Variants in TMEM178B observed in about 807,000 individuals in gnomAD.
TMEM178B encodes the protein transmembrane protein 178B.
In TMEM178B, 5 loss-of-function variants were observed where a neutral mutation model predicts 31.0. That is an observed-to-expected ratio of 0.16 (90% CI 0.08 to 0.34). TMEM178B has a LOEUF of 0.34. Among genes scored for constraint, TMEM178B ranks in the 10% least tolerant of loss-of-function variants. The pLI, the probability that TMEM178B is intolerant of heterozygous loss-of-function variation, is 1.00. For missense variants in TMEM178B, 275 were observed against 400.3 expected, an observed-to-expected ratio of 0.69 and a Z score of 2.67; for synonymous variants, 164 against 164.0, an observed-to-expected ratio of 1.00 and a Z score of 0.00.
At chr7:141,436,141 T>C (rs952589416) in intron 2 of TMEM178B, among the ~76,000 whole-genome samples, 3 of 152,166 alleles carry the variant, frequency 2.0e-5, no homozygotes, top group African/African-American at 7.2e-5. Flanking sequence ...TTTTGTTTGC[T>C]CTGCTGGGGT....
intron 2 of TMEM178B, among the ~76,000 whole-genome samples, chr7:141,241,465 C>T (rs1797617560): frequency 6.6e-6 from 1 of 151,710 alleles, no homozygotes. Context: ...GGTGGCAGGC[C>T]TATAATCCCA....
intron 2 of TMEM178B, among the ~76,000 whole-genome samples, chr7:141,255,270 T>C (rs1267569630): frequency 6.6e-6 from 1 of 152,088 alleles, no homozygotes; most frequent in Non-Finnish European, 1.5e-5. Flanking sequence ...GGGGTGAAGG[T>C]AGTATGAGAA....
intron 1 of TMEM178B, among the ~76,000 whole-genome samples, chr7:141,160,531 G>A (rs1350598165): frequency 6.6e-6 from 1 of 152,138 alleles, no homozygotes; most frequent in African/African-American, 2.4e-5. Flanking sequence ...GGATCACGTT[G>A]CTCTCTGCCT....
At chr7:141,355,376 A>G (rs1586909977) in intron 2 of TMEM178B, among the ~76,000 whole-genome samples, 1 of 152,042 alleles carries the variant, frequency 6.6e-6, no homozygotes. Flanking sequence ...AAGCATTGGG[A>G]CCCCTATGGA....
intron 2 of TMEM178B, among the ~76,000 whole-genome samples, chr7:141,327,083 C>G (rs182875651): frequency 2.6e-5 from 4 of 152,284 alleles, no homozygotes; most frequent in Admixed American, 2.6e-4. Context: ...AAGCTGAGTG[C>G]TATTCTCTTG....
intron 3 of TMEM178B, among the ~76,000 whole-genome samples, chr7:141,438,973 T>C (rs572262974): frequency 1.3e-5 from 2 of 152,224 alleles, no homozygotes; most frequent in African/African-American, 2.4e-5. Context: ...TTTAGGCACC[T>C]GTAGCAAACA....
At chr7:141,270,985 A>G (rs577352603) in intron 2 of TMEM178B, among the ~76,000 whole-genome samples, 127 of 152,308 alleles carry the variant, frequency 8.3e-4, no homozygotes, top group African/African-American at 2.9e-3. Flanking sequence ...ACAGGCAGGT[A>G]CATTGCAGGC....
chr7:141,412,296 C>T (rs558158145), intron 2 of TMEM178B, among the ~76,000 whole-genome samples: 1 of 152,160 alleles, frequency 6.6e-6, no homozygotes, highest in African/African-American at 2.4e-5. Context: ...AACGCAAGAC[C>T]CTAGGATGAG....
At chr7:141,100,526 C>T (rs1004495955) in intron 1 of TMEM178B, among the ~76,000 whole-genome samples, 1 of 152,196 alleles carries the variant, frequency 6.6e-6, no homozygotes. Flanking sequence ...CTGATTCAGT[C>T]TGGCTCCCTA....
At chr7:141,507,849 A>G in the TMEM178B span, among the ~76,000 whole-genome samples, 17 of 152,328 alleles carry the variant, frequency 1.1e-4, no homozygotes, top group African/African-American at 4.1e-4. Flanking sequence ...CAGCACAGGC[A>G]CACTGGATCT....
At chr7:141,124,132 C>T (rs1316163683) in intron 1 of TMEM178B, among the ~76,000 whole-genome samples, 4 of 152,074 alleles carry the variant, frequency 2.6e-5, no homozygotes, top group Non-Finnish European at 4.4e-5. Flanking sequence ...TTTGGGAGGC[C>T]GAGGTGGGCA....
At position 141,142,266 on chromosome 7, in the gene TMEM178B, T is replaced by C. The variant is rs1049219643; in HGVS notation, c.382+67574T>C. Reference sequence around the variant, plus strand: ...TGGCTGCATAGTATTCCGTGGCATATATGTACCACATTTTCTTCATCCAAT... The same window carrying C: ...TGGCTGCATAGTATTCCGTGGCATACATGTACCACATTTTCTTCATCCAAT... On this transcript the variant is annotated intron_variant, in intron 1 of 3. Coordinates refer to ENST00000565468, the MANE Select transcript of TMEM178B (RefSeq NM_001195278.2). Among the ~76,000 whole-genome samples the C allele has an allele frequency of 2.2e-5, 3 of 136,076 alleles. No individual in the cohort carries two copies. The East Asian group carries it at 5.8e-4, about 26-fold the overall frequency. The allele number at this position is 136,076 out of a possible 152,430, so 89.3% of individuals were successfully genotyped here.
intron 2 of TMEM178B, among the ~76,000 whole-genome samples, chr7:141,333,864 G>A (rs984495389): frequency 6.6e-6 from 1 of 152,204 alleles, no homozygotes; most frequent in Admixed American, 6.5e-5. Flanking sequence ...TCCATGTGCG[G>A]TTCACAATAG....
At chr7:141,108,968 C>G (rs543896214) in intron 1 of TMEM178B, among the ~76,000 whole-genome samples, 1 of 152,086 alleles carries the variant, frequency 6.6e-6, no homozygotes, top group Non-Finnish European at 1.5e-5. Flanking sequence ...TACATGGTGG[C>G]GGCAAGAGAG....
At chr7:141,270,631 T>C (rs1223745964) in intron 2 of TMEM178B, among the ~76,000 whole-genome samples, 2 of 152,230 alleles carry the variant, frequency 1.3e-5, no homozygotes, top group African/African-American at 4.8e-5. Flanking sequence ...ATATAGGCTT[T>C]TTAAAAACAC....
At chr7:141,350,783 T>TACAC (rs1799706714) in intron 2 of TMEM178B, among the ~76,000 whole-genome samples, 2 of 152,168 alleles carry the variant, frequency 1.3e-5, no homozygotes, top group African/African-American at 4.8e-5. Context: ...TTTTCTTACA[T>TACAC]ACACACACAC....
chr7:141,103,615 T>A (rs1490015898), intron 1 of TMEM178B, among the ~76,000 whole-genome samples: 1 of 152,184 alleles, frequency 6.6e-6, no homozygotes, highest in African/African-American at 2.4e-5. Context: ...GCTGGTTGAC[T>A]GAGTGAATTT....
chr7:141,341,243 T>C lies in TMEM178B; in HGVS notation c.497-96365T>C, dbSNP rs114548809. Reference sequence around the variant, plus strand: ...AGGCCACAAAAATGAAGGAATAAGATGACATCTAAGGATTCAAAAACAAAA... The same window carrying C: ...AGGCCACAAAAATGAAGGAATAAGACGACATCTAAGGATTCAAAAACAAAA... On this transcript the variant is annotated intron_variant, in intron 2 of 3. Transcript: ENST00000565468. 5.8e-3 allele frequency among the ~76,000 whole-genome samples: 884 copies of C among 152,344 alleles called. 11 individuals carry two copies. The highest frequency in any genetic ancestry group is 0.02 in the African/African-American group (826 of 41,580).
chr7:141,148,538 C>A (rs770549122), intron 1 of TMEM178B, among the ~76,000 whole-genome samples: 4 of 152,140 alleles, frequency 2.6e-5, no homozygotes, highest in Non-Finnish European at 4.4e-5. Flanking sequence ...TCAAGAATTT[C>A]AAGAAGAGGG....
Sources: allele counts gnomAD v4.1 joint callset (sites outside exome capture counted in the v4.1 genomes callset), GRCh38; gene constraint gnomAD v4.1.1; transcripts MANE v1.5; gene names NCBI Gene and HGNC (gene_info 2026-07-23, HGNC 2026-07-21).